Variants in SLC17A1 observed in about 807,000 individuals in gnomAD.
The protein encoded by SLC17A1 is solute carrier family 17 member 1.
SLC17A1 carries 51 observed loss-of-function variants against 53.5 expected under a neutral mutation model. That is an observed-to-expected ratio of 0.95 (90% CI 0.76 to 1.20). SLC17A1 has a LOEUF of 1.20. SLC17A1 is among the 50% of genes most tolerant of loss of function. The probability of loss-of-function intolerance (pLI) is 0.00; values close to 1 mark genes in which losing one functional copy is unlikely to be tolerated. For missense variants in SLC17A1, 538 were observed against 568.2 expected, an observed-to-expected ratio of 0.95 and a Z score of 0.54; for synonymous variants, 179 against 198.8, an observed-to-expected ratio of 0.90 and a Z score of 0.84.
intron 12 of SLC17A1, among the ~76,000 whole-genome samples, chr6:25,783,936 A>G (rs1763323416): frequency 6.6e-6 from 1 of 152,008 alleles, no homozygotes; most frequent in African/African-American, 2.4e-5. Context: ...AGGTGTCCAG[A>G]TTAGCTCCTC....
the SLC17A1 span, chr6:25,727,236 A>T: frequency 2.5e-6 from 4 of 1,613,694 alleles, no homozygotes; most frequent in Non-Finnish European, 2.5e-6. Context: ...AGAGCTGGCT[A>T]AACATGCTGT....
In SLC17A1 at chr6:25,786,668, T is replaced by G. The variant is rs542696669; in HGVS notation, c.*3-3450A>C. 3.3e-5 allele frequency among the ~76,000 whole-genome samples: 5 copies of G among 152,232 alleles called. No individual in the cohort carries two copies. In the South Asian group the frequency reaches 1.0e-3, roughly 32 times the overall value. On this transcript the variant is annotated intron_variant, in intron 12 of 12. Coordinates refer to ENST00000244527, the MANE Select transcript of SLC17A1 (RefSeq NM_005074.5). ...TATGCATGAAGAAAAGGGTCTGCTT[T>G]CAACACCTACTGGCCCAGGGAGCAT...
chr6:25,729,343 C>T, the SLC17A1 span, among the ~76,000 whole-genome samples: 14 of 152,214 alleles, frequency 9.2e-5, no homozygotes, highest in African/African-American at 3.4e-4. Context: ...CACTACCCTG[C>T]AGTCTTGCCT....
rs950157116 is a variant in SLC17A1, at chr6:25,812,781, T to A, written c.897+50A>T. 3 of 1,416,154 alleles carry A rather than the reference T, an allele frequency of 2.1e-6. No homozygotes were observed. The Admixed American group carries it at 5.8e-5, about 28-fold the overall frequency. The allele number at this position is 1,416,154 out of a possible 1,614,324, so 87.7% of individuals were successfully genotyped here. ...TAGGGTCGTTAGAGACAGACAAATG[T>A]ACACAGAGTCTTTCGTGAAGTTAAA... On this transcript the variant is annotated intron_variant, in intron 8 of 12. Coordinates refer to ENST00000244527, the MANE Select transcript of SLC17A1 (RefSeq NM_005074.5).
At chr6:25,740,949 T>C in the SLC17A1 span, among the ~76,000 whole-genome samples, 1 of 152,090 alleles carries the variant, frequency 6.6e-6, no homozygotes, top group South Asian at 2.1e-4. Flanking sequence ...TTCTCAGTCA[T>C]ATGTGGGAGC....
chr6:25,805,534 G>C (rs1187715352), intron 10 of SLC17A1, among the ~76,000 whole-genome samples: 1 of 151,850 alleles, frequency 6.6e-6, no homozygotes, highest in Non-Finnish European at 1.5e-5. Context: ...GATCAGAGTA[G>C]AACTAGATGA....
chr6:25,735,121 T>G, the SLC17A1 span, among the ~76,000 whole-genome samples: 1 of 152,216 alleles, frequency 6.6e-6, no homozygotes, highest in African/African-American at 2.4e-5. Context: ...CCTTAGTTCA[T>G]GCAGATTGTA....
intron 10 of SLC17A1, among the ~76,000 whole-genome samples, chr6:25,805,993 T>C (rs1763940047): frequency 6.6e-6 from 1 of 152,032 alleles, no homozygotes; most frequent in Non-Finnish European, 1.5e-5. Flanking sequence ...TTCCAAAAGA[T>C]TGAGGAAGAG....
intron 12 of SLC17A1, among the ~76,000 whole-genome samples, chr6:25,783,595 C>A (rs1229703262): frequency 6.6e-6 from 1 of 151,900 alleles, no homozygotes; most frequent in Non-Finnish European, 1.5e-5. Context: ...CCAAACAAAG[C>A]AAAAAAACAC....
intron 8 of SLC17A1, among the ~76,000 whole-genome samples, 182 bp downstream of exon 8, chr6:25,812,649 A>C (rs1764197640): frequency 6.6e-6 from 1 of 152,204 alleles, no homozygotes; most frequent in South Asian, 2.1e-4. Flanking sequence ...TTATGTCTAC[A>C]TCAATGCCTT....
chr6:25,805,860 A>G (rs750635848), intron 10 of SLC17A1, among the ~76,000 whole-genome samples: 11 of 152,106 alleles, frequency 7.2e-5, no homozygotes, highest in Non-Finnish European at 1.3e-4. Context: ...AAGCAGTGAG[A>G]TTAAATCAGT....
intron 12 of SLC17A1, among the ~76,000 whole-genome samples, chr6:25,791,447 A>T (rs914125900): frequency 6.6e-6 from 1 of 152,264 alleles, no homozygotes; most frequent in Non-Finnish European, 1.5e-5. Context: ...TATTAAGCCC[A>T]GAAATAGACA....
chr6:25,778,826 T>C (rs1380074299), downstream of SLC17A1, among the ~76,000 whole-genome samples: 2 of 152,198 alleles, frequency 1.3e-5, no homozygotes, highest in Admixed American at 6.5e-5. Context: ...GGAGTGAAGA[T>C]GTGAGACAAA....
chr6:25,788,421 C>G (rs1056156487), intron 12 of SLC17A1, among the ~76,000 whole-genome samples: 28 of 152,158 alleles, frequency 1.8e-4, no homozygotes, highest in South Asian at 2.1e-4. Flanking sequence ...TGCTTAATGG[C>G]TAACCTGGGG....
intron 12 of SLC17A1, among the ~76,000 whole-genome samples, chr6:25,790,001 G>A (rs1373323869): frequency 1.3e-5 from 2 of 151,986 alleles, no homozygotes; most frequent in Admixed American, 6.6e-5. Context: ...TGATGGTGAG[G>A]GCATCATGCT....
chr6:25,754,197 G>A, the SLC17A1 span, among the ~76,000 whole-genome samples: 1 of 152,128 alleles, frequency 6.6e-6, no homozygotes, highest in African/African-American at 2.4e-5. Context: ...ATGCAAATAT[G>A]TATGAGTCTT....
chr6:25,811,410 T>G lies in SLC17A1; in HGVS notation c.1166A>C (p.Asp389Ala). Residue 389 changes from aspartate to alanine, a missense_variant, in exon 10 of 13, where the codon GAT becomes GCT. Transcript: ENST00000244527. ...CLGGVFINGLDIAPRYFGFIK... is the reference protein window; with the variant it reads ...CLGGVFINGLAIAPRYFGFIK... Reference sequence around the variant, plus strand: ...AAACAAATCCTACCTGGGAGCAATATCCAAGCCATTTATAAACACTCCACC... The same window carrying G: ...AAACAAATCCTACCTGGGAGCAATAGCCAAGCCATTTATAAACACTCCACC... The G allele has an allele frequency of 6.2e-7, 1 of 1,612,594 alleles. No individual in the cohort carries two copies. The highest frequency in any genetic ancestry group is 8.5e-7 in the Non-Finnish European group (1 of 1,179,110).
downstream of SLC17A1, among the ~76,000 whole-genome samples, chr6:25,778,810 T>C (rs1319727931): frequency 6.6e-6 from 1 of 152,152 alleles, no homozygotes; most frequent in South Asian, 2.1e-4. Flanking sequence ...AAGCAAGGAC[T>C]GAAAGGGAGT....
At chr6:25,726,924 T>G in the SLC17A1 span, 1 of 1,613,286 alleles carries the variant, frequency 6.2e-7, no homozygotes, top group South Asian at 1.1e-5. Flanking sequence ...GGAGGTGTCA[T>G]CTAAAGGTGC....
Sources: allele counts gnomAD v4.1 joint callset (sites outside exome capture counted in the v4.1 genomes callset), GRCh38; gene constraint gnomAD v4.1.1; transcripts MANE v1.5; gene names NCBI Gene and HGNC (gene_info 2026-07-23, HGNC 2026-07-21).